RNLS: variants seen among roughly 807,000 people sequenced by gnomAD.
RNLS encodes renalase.
RNLS carries 39 observed loss-of-function variants against 39.8 expected under a neutral mutation model. That is an observed-to-expected ratio of 0.98 (90% CI 0.76 to 1.28). The LOEUF (loss-of-function observed/expected upper bound fraction) is 1.28, where lower values mean the gene tolerates loss of function less well. Ranked by LOEUF, RNLS falls within the 50% of genes most tolerant of loss-of-function variation. The probability of loss-of-function intolerance (pLI) is 0.00; values close to 1 mark genes in which losing one functional copy is unlikely to be tolerated. For missense variants in RNLS, 410 were observed against 413.3 expected (o/e 0.99, Z 0.07); for synonymous variants, 147 against 150.7 (o/e 0.98, Z 0.18).
intron 1 of RNLS, 139 bp downstream of exon 1, chr10:88,582,934 T>C (rs1196913037): frequency 2.1e-6 from 2 of 965,304 alleles, no homozygotes; most frequent in South Asian, 2.1e-5. Flanking sequence ...ACTCGGCGCA[T>C]GGGCCGCGCT....
At chr10:88,407,017 G>T (rs1490929661) in intron 4 of RNLS, among the ~76,000 whole-genome samples, 2 of 151,950 alleles carry the variant, frequency 1.3e-5, no homozygotes, top group Non-Finnish European at 2.9e-5. Context: ...AAAGGCATAA[G>T]AATGATACAA....
the RNLS span, among the ~76,000 whole-genome samples, chr10:88,173,795 T>A: frequency 6.6e-6 from 1 of 152,262 alleles, no homozygotes; most frequent in Admixed American, 6.5e-5. Flanking sequence ...TGGTCTTTTT[T>A]TAAAAAAAAA....
Position 88,291,216 on chromosome 10 carries a change from C to T in RNLS, c.877-5710G>A, listed in dbSNP as rs143270739. On this transcript the variant is annotated intron_variant, in intron 6 of 6. Coordinates refer to ENST00000331772, the MANE Select transcript of RNLS (RefSeq NM_001031709.3). ...ATAATGAATGGTAGGATCCTTTAAG[C>T]GGTGCTTTTTCAGTTAAGTAGCATT... is the stretch of plus-strand genomic sequence containing the variant. Among the ~76,000 whole-genome samples the T allele has an allele frequency of 5.4e-4, 82 of 152,268 alleles. 1 individual carries two copies. The highest frequency in any genetic ancestry group is 1.9e-4 in the East Asian group (1 of 5,188).
intron 4 of RNLS, among the ~76,000 whole-genome samples, chr10:88,535,029 G>A (rs1847663091): frequency 6.6e-6 from 1 of 151,998 alleles, no homozygotes; most frequent in Non-Finnish European, 1.5e-5. Flanking sequence ...CAGTTATATT[G>A]TTCATGGGTT....
intron 4 of RNLS, among the ~76,000 whole-genome samples, chr10:88,520,070 A>G (rs1251536718): frequency 1.3e-5 from 2 of 151,974 alleles, no homozygotes; most frequent in African/African-American, 2.4e-5. Context: ...TGTTGCATGA[A>G]AAGTGGACAG....
intron 4 of RNLS, among the ~76,000 whole-genome samples, chr10:88,378,208 TA>T (rs544417110): frequency 1.0e-4 from 15 of 148,178 alleles, no homozygotes; most frequent in Admixed American, 1.3e-4. Flanking sequence ...TACAGCTAAC[TA>T]AAAAAAAAAT....
At chr10:88,369,076 T>C (rs538463949) in intron 4 of RNLS, among the ~76,000 whole-genome samples, 1 of 152,184 alleles carries the variant, frequency 6.6e-6, no homozygotes, top group Non-Finnish European at 1.5e-5. Context: ...AGATTCTTCA[T>C]GTTATTAAAT....
intron 5 of RNLS, among the ~76,000 whole-genome samples, chr10:88,353,782 C>T (rs1006843801): frequency 3.3e-5 from 5 of 152,100 alleles, no homozygotes; most frequent in East Asian, 1.9e-4. Flanking sequence ...GTTTCTGTCT[C>T]GTTGATCTAT....
Position 88,499,021 on chromosome 10 carries a change from T to TA in RNLS, c.526+73881dup, listed in dbSNP as rs1845322372. 2.6e-5 allele frequency among the ~76,000 whole-genome samples: 4 copies of TA among 152,140 alleles called. 1 individual carries two copies. The South Asian group carries it at 8.3e-4, about 31-fold the overall frequency. ...TGGGAAAATCTGATTATAGATAAAATATGAGATGAAATTATGGAATTATTA... is the reference window on the plus strand; with the variant it reads ...TGGGAAAATCTGATTATAGATAAAATAATGAGATGAAATTATGGAATTATTA... On this transcript the variant is annotated intron_variant, in intron 4 of 6. Transcript: ENST00000331772.
intron 4 of RNLS, among the ~76,000 whole-genome samples, chr10:88,416,753 C>T (rs547647894): frequency 2.6e-5 from 4 of 152,228 alleles, no homozygotes; most frequent in African/African-American, 7.2e-5. Context: ...AGCTCCCATC[C>T]TATTGAAAAC....
At chr10:88,257,889 C>T in the RNLS span, among the ~76,000 whole-genome samples, 2 of 152,142 alleles carry the variant, frequency 1.3e-5, no homozygotes, top group South Asian at 2.1e-4. Flanking sequence ...AAAGGGGAAG[C>T]GCATTAACAT....
intron 6 of RNLS, among the ~76,000 whole-genome samples, chr10:88,277,867 A>C (rs1476656192): frequency 3.9e-5 from 6 of 152,172 alleles, no homozygotes; most frequent in African/African-American, 1.4e-4. Context: ...AGAAGTCCTT[A>C]TTCCTTTAAG....
rs145761511 is a variant in RNLS, at chr10:88,406,654, T to C, written c.527-43929A>G. On this transcript the variant is annotated intron_variant, in intron 4 of 6. Transcript: ENST00000331772. ...TATGGAAAACAGTGTGGAGACTCCT[T>C]AAAGAACTAAAAGTAGAACTATCAT... 5.2e-4 allele frequency among the ~76,000 whole-genome samples: 79 copies of C among 152,116 alleles called. 1 individual carries two copies. Among genetic ancestry groups the C allele is most frequent in the South Asian group, 1.7e-3 (8 of 4,826 alleles).
intron 4 of RNLS, among the ~76,000 whole-genome samples, chr10:88,492,827 G>A (rs966945160): frequency 6.6e-6 from 1 of 152,048 alleles, no homozygotes; most frequent in African/African-American, 2.4e-5. Context: ...GACAATTTAT[G>A]AAAGGTTCCT....
intron 5 of RNLS, among the ~76,000 whole-genome samples, chr10:88,340,471 A>C (rs956766547): frequency 3.3e-5 from 5 of 151,504 alleles, no homozygotes; most frequent in African/African-American, 1.2e-4. Context: ...ATAGTCTCAA[A>C]GTTTACAAGT....
the RNLS span, among the ~76,000 whole-genome samples, chr10:88,172,852 T>TTTTG: frequency 7.7e-5 from 4 of 51,664 alleles, no homozygotes; most frequent in African/African-American, 2.9e-4. Context: ...GTTTTTTTTT[T>TTTTG]TTTTTTTTTT....
chr10:88,253,454 T>A, the RNLS span, among the ~76,000 whole-genome samples: 20 of 152,284 alleles, frequency 1.3e-4, no homozygotes, highest in African/African-American at 4.6e-4. Context: ...GGGACAGGGG[T>A]GCCAGATGGA....
At chr10:88,191,553 T>C in the RNLS span, among the ~76,000 whole-genome samples, 45 of 152,336 alleles carry the variant, frequency 3.0e-4, no homozygotes, top group South Asian at 4.4e-3. Context: ...AAGGATGTTT[T>C]GATTTTTTCC....
Position 88,582,198 on chromosome 10 carries a change from T to A in RNLS, c.224+4A>T. 1 of 1,610,018 alleles carries A rather than the reference T, an allele frequency of 6.2e-7. No individual in the cohort carries two copies. Among genetic ancestry groups the A allele is most frequent in the Non-Finnish European group, 8.5e-7 (1 of 1,176,868 alleles). ...ATTGATTCCACTCCTTGCAACTAAC[T>A]CACCGTTGGTGTTTTTTGGCATAAT... On this transcript the variant is annotated splice_donor_region_variant and intron_variant, in intron 2 of 6. Transcript: ENST00000331772.
Sources: allele counts gnomAD v4.1 joint callset (sites outside exome capture counted in the v4.1 genomes callset), GRCh38; gene constraint gnomAD v4.1.1; transcripts MANE v1.5; gene names NCBI Gene and HGNC (gene_info 2026-07-23, HGNC 2026-07-21).